The following RBM46 variants were observed in gnomAD, a reference collection of about 807,000 sequenced individuals.
RBM46 encodes the protein RNA binding motif protein 46.
RBM46 carries 12 observed loss-of-function variants against 43.3 expected under a neutral mutation model. The ratio of observed to expected loss-of-function variants is 0.28; its 90% CI spans 0.18 to 0.45. The LOEUF (loss-of-function observed/expected upper bound fraction) is 0.45, where lower values mean the gene tolerates loss of function less well. Among genes scored for constraint, RBM46 ranks in the 20% least tolerant of loss-of-function variants. The probability of loss-of-function intolerance (pLI) is 1.00; values close to 1 mark genes in which losing one functional copy is unlikely to be tolerated. For missense variants in RBM46, 412 were observed against 639.1 expected, an observed-to-expected ratio of 0.64 and a Z score of 3.83; for synonymous variants, 205 against 207.6, an observed-to-expected ratio of 0.99 and a Z score of 0.11.
chr4:154,787,714 G>A (rs1733852018), intron 1 of RBM46, among the ~76,000 whole-genome samples: 1 of 152,086 alleles, frequency 6.6e-6, no homozygotes, highest in Non-Finnish European at 1.5e-5. Context: ...TGGGATGGCT[G>A]GGTCAAATGG....
At chr4:154,815,652 TTGTC>T (rs1735400771) in intron 4 of RBM46, among the ~76,000 whole-genome samples, 1 of 151,984 alleles carries the variant, frequency 6.6e-6, no homozygotes, top group Non-Finnish European at 1.5e-5. Context: ...TTTTATTGGT[TTGTC>T]TGTTTTTTAT....
chr4:154,825,517 T>C (rs1179519264), intron 4 of RBM46, among the ~76,000 whole-genome samples: 1 of 152,214 alleles, frequency 6.6e-6, no homozygotes, highest in Non-Finnish European at 1.5e-5. Context: ...AAACCTTTTG[T>C]TTCCTAATCT....
chr4:154,782,636 C>T (rs976563410), intron 1 of RBM46, among the ~76,000 whole-genome samples: 1 of 152,116 alleles, frequency 6.6e-6, no homozygotes, highest in Non-Finnish European at 1.5e-5. Context: ...CAGGCGCGCG[C>T]CACCACGCAC....
At chr4:154,819,997 TA>T (rs1285240055) in intron 4 of RBM46, among the ~76,000 whole-genome samples, 1 of 152,112 alleles carries the variant, frequency 6.6e-6, no homozygotes, top group Non-Finnish European at 1.5e-5. Flanking sequence ...CAAATTTACT[TA>T]GATTCTTTGG....
At chr4:154,797,386 G>T (rs930027915) in intron 2 of RBM46, among the ~76,000 whole-genome samples, 2 of 152,174 alleles carry the variant, frequency 1.3e-5, no homozygotes, top group African/African-American at 4.8e-5. Context: ...CTCAATGGCT[G>T]TAGCACTTAC....
intron 4 of RBM46, among the ~76,000 whole-genome samples, chr4:154,809,227 C>T (rs1735062157): frequency 6.6e-6 from 1 of 151,646 alleles, no homozygotes; most frequent in Admixed American, 6.6e-5. Flanking sequence ...GATTTATGCT[C>T]CAGGCAGGGT....
In RBM46 at chr4:154,799,716, A is replaced by T. The variant is rs575708175; in HGVS notation, c.1402+152A>T. 3 of 551,100 alleles carry T rather than the reference A, an allele frequency of 5.4e-6. No homozygotes were observed. The East Asian group carries it at 1.0e-4, about 18-fold the overall frequency. 34.1% of individuals were successfully genotyped at this position (551,100 alleles called of 1,614,324 possible). A position where few individuals can be genotyped will look rare whatever the true frequency, so the allele number is the denominator to read the frequency against. On this transcript the variant is annotated intron_variant, in intron 4 of 4. Transcript: ENST00000281722. Reference sequence around the variant, plus strand: ...TTATAAAGTCATGATAACTTTCTTGAAACTTGTGCCCTGTAAAATCTTCCT... The same window carrying T: ...TTATAAAGTCATGATAACTTTCTTGTAACTTGTGCCCTGTAAAATCTTCCT...
intron 4 of RBM46, among the ~76,000 whole-genome samples, chr4:154,802,653 C>T (rs1734695502): frequency 1.3e-5 from 2 of 149,532 alleles, no homozygotes; most frequent in South Asian, 4.3e-4. Flanking sequence ...TTATTAGTTC[C>T]TAGAGTTTCT....
intron 1 of RBM46, among the ~76,000 whole-genome samples, chr4:154,793,783 T>C (rs1734214742): frequency 1.3e-5 from 2 of 152,210 alleles, no homozygotes; most frequent in Admixed American, 1.3e-4. Context: ...TGCTGGAGTT[T>C]AGTAGCCACT....
intron 1 of RBM46, among the ~76,000 whole-genome samples, chr4:154,793,185 A>G (rs1271833619): frequency 6.6e-6 from 1 of 152,186 alleles, no homozygotes; most frequent in African/African-American, 2.4e-5. Flanking sequence ...ATATCAGTAC[A>G]TGCAAATCTA....
chr4:154,789,592 A>G (rs1733973143), intron 1 of RBM46, among the ~76,000 whole-genome samples: 1 of 151,924 alleles, frequency 6.6e-6, no homozygotes, highest in African/African-American at 2.4e-5. Flanking sequence ...TTTAGTGAGG[A>G]TTTTTGCATC....
At chr4:154,782,507 G>A (rs980535818) in intron 1 of RBM46, among the ~76,000 whole-genome samples, 4 of 152,024 alleles carry the variant, frequency 2.6e-5, no homozygotes, top group Non-Finnish European at 5.9e-5. Context: ...GTTTTGAGAC[G>A]GAGTCTCGCT....
intron 1 of RBM46, among the ~76,000 whole-genome samples, chr4:154,788,022 G>C (rs2111093742): frequency 6.6e-6 from 1 of 152,258 alleles, no homozygotes; most frequent in Middle Eastern, 3.4e-3. Flanking sequence ...CCTACTTTTT[G>C]ATAGGGTTGT....
chr4:154,784,450 A>G (rs1420523801), intron 1 of RBM46, among the ~76,000 whole-genome samples: 1 of 152,188 alleles, frequency 6.6e-6, no homozygotes, highest in Non-Finnish European at 1.5e-5. Context: ...GTTAGCACTT[A>G]AAGATAAAGG....
intron 1 of RBM46, among the ~76,000 whole-genome samples, chr4:154,788,922 G>T (rs1199701528): frequency 6.6e-6 from 1 of 152,118 alleles, no homozygotes. Flanking sequence ...TGGCTTCCTA[G>T]GTATTTTATT....
intron 4 of RBM46, chr4:154,827,605 G>A: frequency 2.5e-6 from 3 of 1,199,280 alleles, no homozygotes; most frequent in Non-Finnish European, 3.1e-6. Flanking sequence ...AAAACTCCAA[G>A]AAATAGTAGA....
intron 4 of RBM46, among the ~76,000 whole-genome samples, chr4:154,816,092 T>C (rs1284827564): frequency 6.6e-6 from 1 of 152,124 alleles, no homozygotes; most frequent in African/African-American, 2.4e-5. Flanking sequence ...ATATTAACAT[T>C]CTATTCCATT....
At chr4:154,787,035 A>C (rs944673516) in intron 1 of RBM46, 1 of 152,246 alleles carries the variant, frequency 6.6e-6, no homozygotes, top group Non-Finnish European at 1.5e-5. Flanking sequence ...GGAGGAATTG[A>C]GGGAAAGCTG....
chr4:154,815,421 C>G (rs1337378715), intron 4 of RBM46, among the ~76,000 whole-genome samples: 1 of 151,966 alleles, frequency 6.6e-6, no homozygotes, highest in Non-Finnish European at 1.5e-5. Flanking sequence ...CTGATTTACA[C>G]TTTACTAGCA....
Sources: allele counts gnomAD v4.1 joint callset (sites outside exome capture counted in the v4.1 genomes callset), GRCh38; gene constraint gnomAD v4.1.1; transcripts MANE v1.5; gene names NCBI Gene and HGNC (gene_info 2026-07-23, HGNC 2026-07-21).